The following SLC4A4 variants were observed in gnomAD, a reference collection of about 807,000 sequenced individuals.
SLC4A4 encodes the protein electrogenic sodium bicarbonate cotransporter 1.
Under a neutral mutation model 111.5 loss-of-function variants are expected in SLC4A4, and 27 were observed. That is an observed-to-expected ratio of 0.24 (90% CI 0.18 to 0.33). SLC4A4 has a LOEUF of 0.33. Ranked by LOEUF, SLC4A4 falls within the 10% of genes least tolerant of loss-of-function variation. The pLI is 1.00. For missense variants in SLC4A4, 909 were observed against 1,315.5 expected (o/e 0.69, Z 4.78); for synonymous variants, 443 against 463.4 (o/e 0.96, Z 0.57).
chr4:71,558,385 T>A (rs990347013), intron 22 of SLC4A4, among the ~76,000 whole-genome samples: 6 of 151,972 alleles, frequency 3.9e-5, no homozygotes, highest in African/African-American at 1.4e-4. Context: ...GTTCACTTTT[T>A]ACATTTCTTG....
chr4:71,098,828 A>G (rs1165183405), intron 2 of SLC4A4, among the ~76,000 whole-genome samples: 1 of 152,210 alleles, frequency 6.6e-6, no homozygotes, highest in African/African-American at 2.4e-5. Flanking sequence ...ATTTCAGACA[A>G]AACAGACTTT....
chr4:71,365,051 G>A (rs1013336137), intron 6 of SLC4A4, among the ~76,000 whole-genome samples: 2 of 152,050 alleles, frequency 1.3e-5, no homozygotes, highest in African/African-American at 4.8e-5. Context: ...TGATCATTAT[G>A]TCTAAGTAAT....
chr4:71,181,634 A>G (rs1745296883), intron 2 of SLC4A4, among the ~76,000 whole-genome samples: 2 of 152,204 alleles, frequency 1.3e-5, no homozygotes, highest in African/African-American at 4.8e-5. Context: ...AATGTTCCAA[A>G]AAAGAAGGAA....
intron 3 of SLC4A4, among the ~76,000 whole-genome samples, chr4:71,318,865 A>G (rs1272912975): frequency 6.7e-6 from 1 of 148,868 alleles, no homozygotes; most frequent in East Asian, 1.9e-4. Flanking sequence ...GCTGATTTAC[A>G]TGTGTTATTT....
intron 3 of SLC4A4, among the ~76,000 whole-genome samples, chr4:71,303,037 T>C (rs556499619): frequency 2.6e-5 from 4 of 152,336 alleles, no homozygotes; most frequent in African/African-American, 9.6e-5. Context: ...AAGGAAAGTA[T>C]AAAAATCAGG....
intron 2 of SLC4A4, among the ~76,000 whole-genome samples, chr4:71,250,964 A>C (rs1314368164): frequency 6.6e-6 from 1 of 152,186 alleles, no homozygotes; most frequent in African/African-American, 2.4e-5. Flanking sequence ...TTGCATGAGG[A>C]GGTAGATATA....
rs563981371 is a variant in SLC4A4 at position 71,314,457 on chromosome 4, C to G, written c.254-24913C>G. ...ATTATAAAACATTGTACTATAAAGA[C>G]ACATGCACACGTATGTTTATTGCAG... On this transcript the variant is annotated intron_variant, in intron 3 of 25. Coordinates refer to ENST00000264485, the MANE Select transcript of SLC4A4 (RefSeq NM_001098484.3). Among the ~76,000 whole-genome samples the G allele has an allele frequency of 9.3e-4, 141 of 152,282 alleles. 1 individual carries two copies. Among genetic ancestry groups the G allele is most frequent in the African/African-American group, 3.0e-3 (126 of 41,552 alleles).
intron 2 of SLC4A4, among the ~76,000 whole-genome samples, chr4:71,138,758 C>A (rs184202717): frequency 3.3e-5 from 5 of 152,114 alleles, no homozygotes; most frequent in African/African-American, 9.7e-5. Context: ...GTAAGTTGGC[C>A]GGGCGCGGTG....
intron 12 of SLC4A4, among the ~76,000 whole-genome samples, chr4:71,456,950 G>A (rs1726325692): frequency 6.6e-6 from 1 of 152,166 alleles, no homozygotes; most frequent in African/African-American, 2.4e-5. Context: ...ATTCACAAAA[G>A]CACAGGCAGC....
intron 1 of SLC4A4, among the ~76,000 whole-genome samples, chr4:71,081,228 T>C (rs1303146551): frequency 2.0e-5 from 3 of 152,120 alleles, no homozygotes; most frequent in South Asian, 4.1e-4. Context: ...CTACCCATTA[T>C]GGTTCTTTGT....
At chr4:71,425,347 G>T (rs1023820511) in intron 7 of SLC4A4, among the ~76,000 whole-genome samples, 2 of 152,106 alleles carry the variant, frequency 1.3e-5, no homozygotes, top group African/African-American at 4.8e-5. Flanking sequence ...AGCAAAACAG[G>T]CTGGTGGTTG....
intron 7 of SLC4A4, among the ~76,000 whole-genome samples, chr4:71,404,884 C>T (rs1720702052): frequency 2.0e-5 from 3 of 152,076 alleles, no homozygotes; most frequent in Admixed American, 1.3e-4. Flanking sequence ...CAGCCTCCAC[C>T]TTTTGGGCTT....
intron 6 of SLC4A4, among the ~76,000 whole-genome samples, chr4:71,381,729 T>G (rs1718160491): frequency 6.6e-6 from 1 of 152,220 alleles, no homozygotes; most frequent in African/African-American, 2.4e-5. Flanking sequence ...TTAGACCTTT[T>G]TTTTTGGAGA....
At chr4:71,337,539 A>G (rs189260432) in intron 3 of SLC4A4, among the ~76,000 whole-genome samples, 2 of 152,294 alleles carry the variant, frequency 1.3e-5, no homozygotes, top group East Asian at 3.9e-4. Flanking sequence ...AGTTATAAAC[A>G]ATGCTAGAAT....
At position 71,557,368 on chromosome 4, in the gene SLC4A4, A is replaced by G. The variant is rs559731196; in HGVS notation, c.2764-344A>G. Reference sequence around the variant, plus strand: ...TGAGCTAGACATCTTCCTTCAGCATATTAGTACTAAAATAGGCAAAAGATC... The same window carrying G: ...TGAGCTAGACATCTTCCTTCAGCATGTTAGTACTAAAATAGGCAAAAGATC... On this transcript the variant is annotated intron_variant, in intron 21 of 25. Coordinates refer to ENST00000264485, the MANE Select transcript of SLC4A4 (RefSeq NM_001098484.3). Among the ~76,000 whole-genome samples, 23 of 152,050 alleles carry G rather than the reference A, an allele frequency of 1.5e-4. No homozygotes were observed. The South Asian group carries it at 4.8e-3, about 32-fold the overall frequency.
intron 12 of SLC4A4, among the ~76,000 whole-genome samples, chr4:71,460,732 A>C (rs1726742986): frequency 6.6e-6 from 1 of 152,116 alleles, no homozygotes; most frequent in South Asian, 2.1e-4. Flanking sequence ...CGTTACTGAT[A>C]TTCTGAAGGA....
Position 71,453,387 on chromosome 4 carries a change from G to C in SLC4A4, c.1323-108G>C, listed in dbSNP as rs535816729. 124 of 1,113,142 alleles carry C rather than the reference G, an allele frequency of 1.1e-4. 1 individual carries two copies. In the South Asian group the frequency reaches 1.5e-3, roughly 13 times the overall value. 69.0% of individuals were successfully genotyped at this position (1,113,142 alleles called of 1,614,324 possible). On this transcript the variant is annotated intron_variant, in intron 11 of 25. Coordinates refer to ENST00000264485, the MANE Select transcript of SLC4A4 (RefSeq NM_001098484.3). ...AGTGGTTAAGTAGTATCTTGTCACT[G>C]ATTCAAGCATTTTAAATATGTTGTG...
chr4:71,443,521 C>G (rs755083548), intron 8 of SLC4A4, among the ~76,000 whole-genome samples: 4 of 151,948 alleles, frequency 2.6e-5, no homozygotes, highest in Non-Finnish European at 5.9e-5. Flanking sequence ...GAGATGAAGG[C>G]AAAGGGAAGA....
At position 71,516,564 on chromosome 4, in the gene SLC4A4, C is replaced by T. The variant is rs182940981; in HGVS notation, c.2167-15498C>T. Among the ~76,000 whole-genome samples, 104 of 152,282 alleles carry T rather than the reference C, an allele frequency of 6.8e-4. 2 individuals carry two copies. In the East Asian group the frequency reaches 0.017, roughly 24 times the overall value. On this transcript the variant is annotated intron_variant, in intron 16 of 25. Coordinates refer to ENST00000264485, the MANE Select transcript of SLC4A4 (RefSeq NM_001098484.3). Reference sequence around the variant, plus strand: ...ATTCCCAGTCTGGTGTACTGCCCCACTGGGTTTCTAAACCACCACCCTTGC... The same window carrying T: ...ATTCCCAGTCTGGTGTACTGCCCCATTGGGTTTCTAAACCACCACCCTTGC...
Sources: gnomAD v4.1 joint callset for allele counts (sites outside exome capture counted in the v4.1 genomes callset) on GRCh38, gnomAD v4.1.1 for gene constraint, MANE v1.5 for transcripts, NCBI Gene and HGNC (gene_info 2026-07-23, HGNC 2026-07-21) for gene names.